The following SMAD2 variants were observed in gnomAD, a reference collection of about 807,000 sequenced individuals.
SMAD2 encodes the protein MAD homolog 2.
In SMAD2, 8 loss-of-function variants were observed where a neutral mutation model predicts 64.4. The ratio of observed to expected loss-of-function variants is 0.12; its 90% CI spans 0.07 to 0.22. The LOEUF is 0.22. SMAD2 is among the 10% of genes least tolerant of loss of function. The pLI, the probability that SMAD2 is intolerant of heterozygous loss-of-function variation, is 1.00. For synonymous variants in SMAD2, 203 were observed against 195.8 expected, an observed-to-expected ratio of 1.04 and a Z score of -0.31; for missense variants, 289 against 561.2, an observed-to-expected ratio of 0.51 and a Z score of 4.90.
intron 8 of SMAD2, among the ~76,000 whole-genome samples, chr18:47,847,699 G>GA (rs1914649729): frequency 2.3e-5 from 1 of 43,574 alleles, no homozygotes; most frequent in Non-Finnish European, 3.9e-5. Flanking sequence ...TATTTCCAAA[G>GA]CAAAAAAAAA....
intron 1 of SMAD2, among the ~76,000 whole-genome samples, chr18:47,928,969 A>C (rs2034882880): frequency 6.6e-6 from 1 of 152,256 alleles, no homozygotes. Context: ...AGCTAAGTTT[A>C]CGGCAACGGC....
chr18:47,864,590 G>A (rs1051648375), intron 6 of SMAD2, among the ~76,000 whole-genome samples: 1 of 152,066 alleles, frequency 6.6e-6, no homozygotes, highest in Non-Finnish European at 1.5e-5. Context: ...ACTTTTTGGA[G>A]TTGATAGCTA....
Position 47,871,196 on chromosome 18 carries a change from T to C in SMAD2, c.237-632A>G, listed in dbSNP as rs183557840. On this transcript the variant is annotated intron_variant, in intron 2 of 10. Transcript: ENST00000262160. ...ATAATTCTCCCTTTTTCCCTACCTTTATTTCATTTCATAGTAACTTCTGGT... is the reference window on the plus strand; with the variant it reads ...ATAATTCTCCCTTTTTCCCTACCTTCATTTCATTTCATAGTAACTTCTGGT... Among the ~76,000 whole-genome samples, 469 of 152,282 alleles carry C rather than the reference T, an allele frequency of 3.1e-3. 6 individuals are homozygous for C. Among genetic ancestry groups the C allele is most frequent in the South Asian group, 0.02 (95 of 4,830 alleles).
At chr18:47,924,632 T>C (rs2034692173) in intron 1 of SMAD2, among the ~76,000 whole-genome samples, 1 of 151,974 alleles carries the variant, frequency 6.6e-6, no homozygotes, top group Admixed American at 6.6e-5. Context: ...CAGCTAATTT[T>C]TGCATTTTTA....
At chr18:47,879,155 A>C (rs139543684) in intron 2 of SMAD2, among the ~76,000 whole-genome samples, 94 of 152,288 alleles carry the variant, frequency 6.2e-4, no homozygotes, top group African/African-American at 2.2e-3. Context: ...GATAACACAA[A>C]TCTAGACACT....
rs1914365108 is a variant in SMAD2 at position 47,845,102 on chromosome 18, T to A, written c.1280+238A>T. 8 of 616,072 alleles carry A rather than the reference T, an allele frequency of 1.3e-5. No homozygotes were observed. The South Asian group carries it at 1.6e-4, about 12-fold the overall frequency. The allele number at this position is 616,072 out of a possible 1,614,324, so 38.2% of individuals were successfully genotyped here. On this transcript the variant is annotated intron_variant, in intron 10 of 10. Coordinates refer to ENST00000262160, the MANE Select transcript of SMAD2 (RefSeq NM_005901.6). The stretch of plus-strand genomic sequence containing the variant: ...TTCATATACACCCCTTTTATGATAT[T>A]TAACACTCTGAATTACGTTAAAATG...
At chr18:47,928,337 G>A (rs2034851126) in intron 1 of SMAD2, among the ~76,000 whole-genome samples, 1 of 152,118 alleles carries the variant, frequency 6.6e-6, no homozygotes, top group African/African-American at 2.4e-5. Context: ...ATAGGTCTTT[G>A]GCCAGCGGTT....
chr18:47,837,579 AC>A lies in SMAD2; in HGVS notation c.*4247del, dbSNP rs1233462065. 139 of 224,688 alleles carry A rather than the reference AC, an allele frequency of 6.2e-4. 1 individual carries two copies. Among genetic ancestry groups the A allele is most frequent in the East Asian group, 4.2e-3 (61 of 14,456 alleles). The allele number at this position is 224,688 out of a possible 1,614,324, so 13.9% of individuals were successfully genotyped here. A position where few individuals can be genotyped will look rare whatever the true frequency, so the allele number is the denominator to read the frequency against. On this transcript the variant is annotated 3_prime_UTR_variant, in exon 11 of 11. Transcript: ENST00000262160. ...TCCCTCTCAAAAAAAAAAAAAAAAA[AC>A]AAAAAACAAGGCTAACAAGAAAGAG...
intron 10 of SMAD2, 103 bp from the exon 11 acceptor site, chr18:47,842,053 AG>A: frequency 7.6e-7 from 1 of 1,307,948 alleles, no homozygotes; most frequent in Non-Finnish European, 1.1e-6. Context: ...AGAAATTAAA[AG>A]GTTGTGTATA....
Position 47,830,431 on chromosome 18 carries a change from G to A in SMAD2, c.*11396C>T, listed in dbSNP as rs574083992. On this transcript the variant is annotated 3_prime_UTR_variant, in exon 11 of 11. Coordinates refer to ENST00000262160, the MANE Select transcript of SMAD2 (RefSeq NM_005901.6). ...GTCTCCACTAAAAATACAAAAAGTA[G>A]TTGGGCGTGGTGGTGTGTGCCTGTA... The A allele has an allele frequency of 6.6e-6, 1 of 152,084 alleles. No individual in the cohort carries two copies. The highest frequency in any genetic ancestry group is 1.9e-4 in the East Asian group (1 of 5,162). 9.4% of individuals were successfully genotyped at this position (152,084 alleles called of 1,614,324 possible). A position where few individuals can be genotyped will look rare whatever the true frequency, so the allele number is the denominator to read the frequency against.
At position 47,869,318 on chromosome 18, in the gene SMAD2, A is replaced by C; in HGVS notation, c.445T>G (p.Cys149Gly). ...SHHELKAIENCEYAFNLKKDE... is the reference protein window; with the variant it reads ...SHHELKAIENGEYAFNLKKDE... ...TTTTTAAGATTAAAAGCATATTCGC[A>C]GTTTTCAATTGCCTTGAGTTCATGA... The change falls in exon 4 of 11, where the codon TGC becomes GGC. Residue 149 changes from cysteine to glycine, a missense_variant. Transcript: ENST00000262160. The C allele has an allele frequency of 6.2e-7, 1 of 1,613,750 alleles. No homozygotes were observed. The highest frequency in any genetic ancestry group is 8.5e-7 in the Non-Finnish European group (1 of 1,179,718).
intron 1 of SMAD2, among the ~76,000 whole-genome samples, chr18:47,902,291 C>G (rs905190074): frequency 7.2e-5 from 11 of 152,122 alleles, no homozygotes; most frequent in Non-Finnish European, 1.2e-4. Context: ...ACCCATTGTT[C>G]TCTATCGCTA....
intron 2 of SMAD2, among the ~76,000 whole-genome samples, chr18:47,877,341 G>A (rs770528424): frequency 6.6e-6 from 1 of 151,928 alleles, no homozygotes; most frequent in Non-Finnish European, 1.5e-5. Context: ...CAGACTTCTA[G>A]GGGAGTAATC....
At chr18:47,846,181 C>A (rs1346002428) in intron 8 of SMAD2, among the ~76,000 whole-genome samples, 1 of 151,986 alleles carries the variant, frequency 6.6e-6, no homozygotes, top group Non-Finnish European at 1.5e-5. Context: ...TTAGAGATCC[C>A]ACTTAATGTT....
Position 47,837,800 on chromosome 18 carries a change from A to G in SMAD2, c.*4027T>C, listed in dbSNP as rs1329339232. On this transcript the variant is annotated 3_prime_UTR_variant, in exon 11 of 11. Transcript: ENST00000262160. ...TCATGTCCACAGACTAGATATCTAA[A>G]GAGATACTTGGTGGGCAGGGGCTTG... 4.3e-6 allele frequency: 1 copy of G among 232,958 alleles called. No individual in the cohort carries two copies. Among genetic ancestry groups the G allele is most frequent in the African/African-American group, 2.2e-5 (1 of 45,320 alleles). 14.4% of individuals were successfully genotyped at this position (232,958 alleles called of 1,614,324 possible).
At chr18:47,906,184 A>C (rs1171483606) in intron 1 of SMAD2, among the ~76,000 whole-genome samples, 2 of 152,146 alleles carry the variant, frequency 1.3e-5, no homozygotes, top group Non-Finnish European at 2.9e-5. Flanking sequence ...CCGAAAACTG[A>C]AATCTAAAAT....
At chr18:47,908,879 A>G (rs1598878380) in intron 1 of SMAD2, among the ~76,000 whole-genome samples, 1 of 152,206 alleles carries the variant, frequency 6.6e-6, no homozygotes, top group South Asian at 2.1e-4. Context: ...CAATACCATA[A>G]GCCTTGACTA....
At chr18:47,863,298 C>T (rs2031323259) in intron 6 of SMAD2, among the ~76,000 whole-genome samples, 1 of 125,998 alleles carries the variant, frequency 7.9e-6, no homozygotes, top group African/African-American at 3.0e-5. Flanking sequence ...TCACATATTC[C>T]CATTGCCATA....
chr18:47,930,785 G>A (rs894549882), upstream of SMAD2: 11 of 146,932 alleles, frequency 7.5e-5, no homozygotes, highest in African/African-American at 2.4e-4. Context: ...GGCCGCCGCG[G>A]CGCCACGCAC....
Sources: allele counts gnomAD v4.1 joint callset (sites outside exome capture counted in the v4.1 genomes callset), GRCh38; gene constraint gnomAD v4.1.1; transcripts MANE v1.5; gene names NCBI Gene and HGNC (gene_info 2026-07-23, HGNC 2026-07-21).